UMAD1: variants seen among roughly 807,000 people sequenced by gnomAD.
The protein encoded by UMAD1 is UBAP1-MVB12-associated (UMA) domain containing 1.
In UMAD1, 8 loss-of-function variants were observed where a neutral mutation model predicts 6.1. The observed-to-expected ratio is 1.30, with a 90% CI of 0.76 to 2.35. UMAD1 has a LOEUF of 2.35. Ranked by LOEUF, UMAD1 falls within the 30% of genes most tolerant of loss-of-function variation. UMAD1 has a pLI of 0.00. For synonymous variants in UMAD1, 56 were observed against 31.4 expected, an observed-to-expected ratio of 1.78 and a Z score of -2.61; for missense variants, 130 against 78.4, an observed-to-expected ratio of 1.66 and a Z score of -2.49.
chr7:7,763,177 G>A (rs1359937224), intron 2 of UMAD1, among the ~76,000 whole-genome samples: 1 of 152,098 alleles, frequency 6.6e-6, no homozygotes, highest in Non-Finnish European at 1.5e-5. Flanking sequence ...ATTAAATATG[G>A]ATAATTGATA....
chr7:7,805,632 A>AAG (rs1782897921), intron 3 of UMAD1, among the ~76,000 whole-genome samples: 1 of 152,166 alleles, frequency 6.6e-6, no homozygotes, highest in Admixed American at 6.5e-5. Flanking sequence ...GCAGTGGGCT[A>AAG]CAAGGAACTC....
At chr7:7,707,944 T>G (rs1259637567) in intron 2 of UMAD1, among the ~76,000 whole-genome samples, 1 of 152,226 alleles carries the variant, frequency 6.6e-6, no homozygotes, top group Non-Finnish European at 1.5e-5. Context: ...GTTTTAAGCA[T>G]GTTTAGTTTG....
chr7:7,780,998 T>A (rs757766593), intron 2 of UMAD1, among the ~76,000 whole-genome samples: 5 of 152,160 alleles, frequency 3.3e-5, no homozygotes, highest in Non-Finnish European at 5.9e-5. Flanking sequence ...TTGAAGAAAT[T>A]TCTGATCATT....
intron 3 of UMAD1, among the ~76,000 whole-genome samples, chr7:7,835,257 T>C (rs1422728683): frequency 6.6e-6 from 1 of 152,128 alleles, no homozygotes; most frequent in East Asian, 1.9e-4. Flanking sequence ...ATCTTGTTAT[T>C]TGAAGCAAGA....
intron 2 of UMAD1, among the ~76,000 whole-genome samples, chr7:7,719,344 C>G (rs770179784): frequency 2.6e-5 from 4 of 152,118 alleles, no homozygotes; most frequent in Non-Finnish European, 5.9e-5. Context: ...TAGGGTAAGC[C>G]ATTGCATCTG....
At chr7:7,738,102 T>A (rs1781395582) in intron 2 of UMAD1, among the ~76,000 whole-genome samples, 1 of 152,200 alleles carries the variant, frequency 6.6e-6, no homozygotes, top group African/African-American at 2.4e-5. Flanking sequence ...ATATTTTTTT[T>A]GAATTGATAA....
chr7:7,721,868 G>A (rs111795361), intron 2 of UMAD1, among the ~76,000 whole-genome samples: 5 of 152,230 alleles, frequency 3.3e-5, no homozygotes, highest in African/African-American at 1.2e-4. Context: ...TTGAGTCAGT[G>A]GGTTGGGAAA....
chr7:7,798,802 G>T (rs533366233), intron 2 of UMAD1, among the ~76,000 whole-genome samples: 107 of 152,332 alleles, frequency 7.0e-4, no homozygotes, highest in African/African-American at 2.4e-3. Flanking sequence ...GAGACCTTGG[G>T]CAGGTCACTG....
chr7:7,797,898 G>T (rs1274683212), intron 2 of UMAD1, among the ~76,000 whole-genome samples: 3 of 152,108 alleles, frequency 2.0e-5, no homozygotes, highest in Non-Finnish European at 4.4e-5. Context: ...TGTTGGCCAG[G>T]CTGGTCTTGA....
chr7:7,846,441 A>G (rs11769349), intron 3 of UMAD1, among the ~76,000 whole-genome samples: 120 of 152,292 alleles, frequency 7.9e-4, no homozygotes, highest in Middle Eastern at 3.4e-3. Context: ...TGCAAGAGAT[A>G]TTACAATTCA....
intron 3 of UMAD1, among the ~76,000 whole-genome samples, chr7:7,858,030 G>T (rs955114382): frequency 2.0e-5 from 3 of 152,174 alleles, no homozygotes; most frequent in Admixed American, 1.3e-4. Flanking sequence ...AGAGTTAGAC[G>T]GTGTGACTTC....
intron 2 of UMAD1, among the ~76,000 whole-genome samples, chr7:7,754,093 G>A (rs1781730017): frequency 6.6e-6 from 1 of 152,116 alleles, no homozygotes; most frequent in Admixed American, 6.5e-5. Flanking sequence ...GCTGGGGCAG[G>A]AGAATCGCTT....
At chr7:7,650,422 A>C (rs1785198368) in intron 1 of UMAD1, among the ~76,000 whole-genome samples, 1 of 152,150 alleles carries the variant, frequency 6.6e-6, no homozygotes. Flanking sequence ...TTTCTTCCAA[A>C]ACTAATGTAA....
At chr7:7,836,067 T>G (rs1783562540) in intron 3 of UMAD1, among the ~76,000 whole-genome samples, 1 of 152,082 alleles carries the variant, frequency 6.6e-6, no homozygotes, top group Admixed American at 6.5e-5. Context: ...TAATATAGTC[T>G]TAAAGATTCC....
chr7:7,666,410 G>A (rs998953896), intron 1 of UMAD1, among the ~76,000 whole-genome samples: 11 of 152,048 alleles, frequency 7.2e-5, no homozygotes, highest in African/African-American at 2.2e-4. Flanking sequence ...GTTTTGCCAC[G>A]TTGCCCAGGC....
intron 3 of UMAD1, among the ~76,000 whole-genome samples, chr7:7,851,394 C>T (rs1783913792): frequency 4.6e-5 from 7 of 152,058 alleles, no homozygotes; most frequent in Admixed American, 4.6e-4. Context: ...TGTTTGAATG[C>T]CTGTTTTCAA....
chr7:7,642,016 T>C (rs1160528130), intron 1 of UMAD1, among the ~76,000 whole-genome samples: 3 of 152,222 alleles, frequency 2.0e-5, no homozygotes, highest in Non-Finnish European at 4.4e-5. Flanking sequence ...TGTGGTTGTA[T>C]TGGTGCAAGT....
intron 3 of UMAD1, among the ~76,000 whole-genome samples, chr7:7,860,792 CA>C (rs796981406): frequency 1.7e-5 from 1 of 60,460 alleles, no homozygotes; most frequent in Non-Finnish European, 3.4e-5. Flanking sequence ...AAAAAAATAA[CA>C]AAAAAAATAA....
chr7:7,787,698 G>A (rs1782486649), intron 2 of UMAD1, among the ~76,000 whole-genome samples: 1 of 152,034 alleles, frequency 6.6e-6, no homozygotes, highest in Non-Finnish European at 1.5e-5. Context: ...AGCTTCAAAG[G>A]CACTATTGAC....
Sources: allele counts gnomAD v4.1 joint callset (sites outside exome capture counted in the v4.1 genomes callset), GRCh38; gene constraint gnomAD v4.1.1; transcripts MANE v1.5; gene names NCBI Gene and HGNC (gene_info 2026-07-23, HGNC 2026-07-21).